The following ADAMTSL1 variants were observed in gnomAD, a reference collection of about 807,000 sequenced individuals.
ADAMTSL1 encodes ADAMTS-like protein 1.
Under a neutral mutation model 201.8 loss-of-function variants are expected in ADAMTSL1, and 126 were observed. That is an observed-to-expected ratio of 0.62 (90% CI 0.54 to 0.72). ADAMTSL1 has a LOEUF of 0.72. Among genes scored for constraint, ADAMTSL1 ranks in the 30% least tolerant of loss-of-function variants. The pLI is 0.00. For synonymous variants in ADAMTSL1, 1,121 were observed against 903.4 expected (o/e 1.24, Z -4.32); for missense variants, 2,679 against 2,277.8 (o/e 1.18, Z -3.59).
At chr9:18,551,807 A>G (rs1297788890) in intron 3 of ADAMTSL1, among the ~76,000 whole-genome samples, 1 of 151,688 alleles carries the variant, frequency 6.6e-6, no homozygotes, top group East Asian at 1.9e-4. Context: ...TTTTGTTGTT[A>G]TTTCTCTTTC....
At chr9:17,969,284 T>A (rs1047898923) in intron 1 of ADAMTSL1, among the ~76,000 whole-genome samples, 1 of 152,094 alleles carries the variant, frequency 6.6e-6, no homozygotes, top group Non-Finnish European at 1.5e-5. Flanking sequence ...TATTAGAGAA[T>A]AATTTTAATA....
At chr9:18,177,818 T>C (rs1828243682) in intron 2 of ADAMTSL1, among the ~76,000 whole-genome samples, 1 of 152,132 alleles carries the variant, frequency 6.6e-6, no homozygotes, top group South Asian at 2.1e-4. Flanking sequence ...TGGGCAGCCA[T>C]ACAGCTAGCT....
At chr9:18,681,703 G>GGGGGT in intron 11 of ADAMTSL1, 109 bp from the exon 12 acceptor site, 1 of 710,280 alleles carries the variant, frequency 1.4e-6, no homozygotes, top group African/African-American at 2.5e-5. Context: ...CGTGTGGGGG[G>GGGGGT]GGGGGGCGGG....
intron 2 of ADAMTSL1, among the ~76,000 whole-genome samples, chr9:18,379,081 T>C (rs1249267423): frequency 6.6e-6 from 1 of 152,170 alleles, no homozygotes. Context: ...GGCAGTGTCA[T>C]CTTCTGAAAG....
At chr9:18,344,896 C>G (rs1048458345) in intron 2 of ADAMTSL1, among the ~76,000 whole-genome samples, 3 of 152,164 alleles carry the variant, frequency 2.0e-5, no homozygotes, top group Non-Finnish European at 4.4e-5. Flanking sequence ...CTTGGAAGCT[C>G]TTTCCTCATC....
chr9:17,968,632 G>A lies in ADAMTSL1; in HGVS notation c.87+61710G>A, dbSNP rs78882897. 4.4e-3 allele frequency among the ~76,000 whole-genome samples: 670 copies of A among 152,194 alleles called. 4 individuals are homozygous for A. Among genetic ancestry groups the A allele is most frequent in the African/African-American group, 0.016 (645 of 41,536 alleles). ...CCCACACAAACAATGTGGTATCCTC[G>A]TTGATTGGTGCTAGTTTGATTTCAT... On this transcript the variant is annotated intron_variant, in intron 1 of 29. Coordinates refer to the ADAMTSL1 transcript ENST00000680146.
intron 2 of ADAMTSL1, among the ~76,000 whole-genome samples, chr9:18,426,268 A>G (rs1176605893): frequency 6.6e-6 from 1 of 152,172 alleles, no homozygotes; most frequent in African/African-American, 2.4e-5. Flanking sequence ...CCATGACCCA[A>G]GTCATAGAGG....
chr9:18,320,897 A>G (rs1250431341), intron 2 of ADAMTSL1, among the ~76,000 whole-genome samples: 1 of 152,152 alleles, frequency 6.6e-6, no homozygotes, highest in Non-Finnish European at 1.5e-5. Context: ...TGTATATTCA[A>G]AAGAAGGCAA....
At chr9:18,871,576 A>AT (rs1827871986) in intron 23 of ADAMTSL1, among the ~76,000 whole-genome samples, 1 of 152,052 alleles carries the variant, frequency 6.6e-6, no homozygotes, top group Non-Finnish European at 1.5e-5. Context: ...ATCCTGATGG[A>AT]TTTTTTCATC....
At chr9:18,441,435 G>A (rs1220182326) in intron 2 of ADAMTSL1, among the ~76,000 whole-genome samples, 2 of 152,124 alleles carry the variant, frequency 1.3e-5, no homozygotes, top group Non-Finnish European at 2.9e-5. Context: ...TTAGTTCTTA[G>A]TCACAAGGCT....
At chr9:18,121,648 T>C (rs538547462) in intron 1 of ADAMTSL1, among the ~76,000 whole-genome samples, 33 of 152,336 alleles carry the variant, frequency 2.2e-4, no homozygotes, top group Middle Eastern at 3.4e-3. Flanking sequence ...TATTCCTTAC[T>C]AGTCTTTTTC....
At chr9:18,860,814 T>C (rs1218727611) in intron 23 of ADAMTSL1, among the ~76,000 whole-genome samples, 4 of 152,226 alleles carry the variant, frequency 2.6e-5, no homozygotes, top group Non-Finnish European at 5.9e-5. Context: ...GAAATGCTAA[T>C]TGTACATTTT....
At chr9:18,010,497 A>C (rs1820007391) in intron 1 of ADAMTSL1, among the ~76,000 whole-genome samples, 1 of 152,078 alleles carries the variant, frequency 6.6e-6, no homozygotes, top group Non-Finnish European at 1.5e-5. Context: ...GACCTGTCAG[A>C]GTCAGAACAG....
At chr9:18,802,062 A>G (rs1332393952) in intron 20 of ADAMTSL1, among the ~76,000 whole-genome samples, 1 of 152,056 alleles carries the variant, frequency 6.6e-6, no homozygotes, top group Non-Finnish European at 1.5e-5. Flanking sequence ...GAATCGCTTG[A>G]TCCCCAGGAA....
intron 2 of ADAMTSL1, among the ~76,000 whole-genome samples, chr9:18,428,325 A>G (rs1239132023): frequency 6.6e-6 from 1 of 151,794 alleles, no homozygotes; most frequent in Non-Finnish European, 1.5e-5. Context: ...CACATCTATC[A>G]GTGGCTCACA....
At chr9:18,534,988 C>T (rs1273923789) in intron 3 of ADAMTSL1, among the ~76,000 whole-genome samples, 2 of 152,226 alleles carry the variant, frequency 1.3e-5, no homozygotes, top group African/African-American at 2.4e-5. Context: ...CTGACATGAT[C>T]TGGAGACATT....
intron 5 of ADAMTSL1, among the ~76,000 whole-genome samples, chr9:18,631,126 G>T (rs1826742170): frequency 6.6e-6 from 1 of 152,144 alleles, no homozygotes; most frequent in African/African-American, 2.4e-5. Context: ...ATGAAAAGTT[G>T]TCCCTCTTGG....
intron 2 of ADAMTSL1, among the ~76,000 whole-genome samples, chr9:18,507,182 G>A (rs935820983): frequency 2.6e-5 from 4 of 152,150 alleles, no homozygotes; most frequent in African/African-American, 9.7e-5. Context: ...ATCCTTGTAA[G>A]ACAAACAACA....
chr9:18,603,861 A>G (rs1434989391), intron 4 of ADAMTSL1, among the ~76,000 whole-genome samples: 1 of 152,210 alleles, frequency 6.6e-6, no homozygotes, highest in East Asian at 1.9e-4. Flanking sequence ...TGTTAGAAAT[A>G]CCAAAATTGT....
Sources: gnomAD v4.1 joint callset for allele counts (sites outside exome capture counted in the v4.1 genomes callset) on GRCh38, gnomAD v4.1.1 for gene constraint, MANE v1.5 for transcripts, NCBI Gene and HGNC (gene_info 2026-07-23, HGNC 2026-07-21) for gene names.